Variants in ZNF629 observed in about 807,000 individuals in gnomAD.
ZNF629 encodes the protein zinc finger protein 629, also known as DNA-binding protein.
ZNF629 carries 9 observed loss-of-function variants against 59.7 expected under a neutral mutation model. That is an observed-to-expected ratio of 0.15 (90% CI 0.09 to 0.26). The LOEUF (loss-of-function observed/expected upper bound fraction) is 0.26, where lower values mean the gene tolerates loss of function less well. Ranked by LOEUF, ZNF629 falls within the 10% of genes least tolerant of loss-of-function variation. The probability of loss-of-function intolerance (pLI) is 1.00; values close to 1 mark genes in which losing one functional copy is unlikely to be tolerated. For missense variants in ZNF629, 853 were observed against 1,165.4 expected, an observed-to-expected ratio of 0.73 and a Z score of 3.90; for synonymous variants, 509 against 498.9, an observed-to-expected ratio of 1.02 and a Z score of -0.27.
chr16:30,782,379 A>G lies in ZNF629; in HGVS notation c.1949T>C (p.Phe650Ser). 1 of 1,580,290 alleles carries G rather than the reference A, an allele frequency of 6.3e-7. No individual in the cohort carries two copies. Among genetic ancestry groups the G allele is most frequent in the Non-Finnish European group, 8.6e-7 (1 of 1,163,068 alleles). ...GGACAGCAGCCCCCGCCTCTGGCTG[A>G]AGCCCTCCTGACCCTCCGGCGGCTT... ...PLKPPEGQEG[F>S]SQRRGLLSSK... Residue 650 changes from phenylalanine to serine, a missense_variant, in exon 3 of 3, where the codon TTC becomes TCC. Physicochemically the swap from Phe to Ser is radical, Grantham distance 155. Transcript: ENST00000262525.
chr16:30,784,597 C>G (rs2054316341), intron 1 of ZNF629, 82 bp from the exon 2 acceptor site: 1 of 1,082,514 alleles, frequency 9.2e-7, no homozygotes, highest in East Asian at 2.6e-5. Flanking sequence ...CACTCCCACC[C>G]TGCCCCGCCC....
chr16:30,783,488 G>A lies in ZNF629; in HGVS notation c.840C>T (p.His280=). The A allele has an allele frequency of 6.2e-7, 1 of 1,614,134 alleles. No homozygotes were observed. Among genetic ancestry groups the A allele is most frequent in the Non-Finnish European group, 8.5e-7 (1 of 1,179,992 alleles). ...AFYRSSDLIQ[H]QATHTGEKPY... is the part of the protein sequence containing the mutation. ...GTTTCTCGCCTGTGTGGGTGGCCTG[G>A]TGCTGGATGAGGTCCGAGCTGCGGT... The change falls in exon 3 of 3, where the codon CAC becomes CAT. Residue 280 remains histidine, a synonymous_variant. Coordinates refer to ENST00000262525, the MANE Select transcript of ZNF629 (RefSeq NM_001080417.3).
At chr16:30,785,392 C>A (rs918977662) in intron 1 of ZNF629, among the ~76,000 whole-genome samples, 13 of 152,146 alleles carry the variant, frequency 8.5e-5, no homozygotes, top group African/African-American at 2.9e-4. Context: ...CTGGCTCACC[C>A]CTGTCTCTGA....
rs768921277 is a variant in ZNF629 at position 30,781,872 on chromosome 16, G to A, written c.2456C>T (p.Pro819Leu). ...ATGGCTGCTGCTCTCTGTGGGGGTA[G>A]GGGTCTCGCCCTCACCTTCCTGATC... ...STDQEGEGET[P>L]TPTESSSHGE... Residue 819 changes from proline (P) to leucine (L), a missense_variant, in exon 3 of 3, where the codon CCT becomes CTT. This residue lies in a region of ZNF629 where 420 missense variants were observed against 435.6 expected (regional missense o/e 0.96). Coordinates refer to ENST00000262525, the MANE Select transcript of ZNF629 (RefSeq NM_001080417.3). 4 of 1,573,842 alleles carry A rather than the reference G, an allele frequency of 2.5e-6. No individual in the cohort carries two copies. In the South Asian group the frequency reaches 3.5e-5, roughly 14 times the overall value.
rs2054269440 is a variant in ZNF629 at position 30,780,332 on chromosome 16, C to T, written c.*1386G>A. On this transcript the variant is annotated 3_prime_UTR_variant, in exon 3 of 3. Transcript: ENST00000262525. Reference sequence around the variant, plus strand: ...GGATCCCCACCAGGGAGGAGGGCTGCCTTATCCTGCGGGGCAGCCTTGCTA... The same window carrying T: ...GGATCCCCACCAGGGAGGAGGGCTGTCTTATCCTGCGGGGCAGCCTTGCTA... 1.3e-5 allele frequency: 2 copies of T among 152,490 alleles called. No individual in the cohort carries two copies. The highest frequency in any genetic ancestry group is 2.4e-5 in the African/African-American group (1 of 41,438). The allele number at this position is 152,490 out of a possible 1,614,324, so 9.4% of individuals were successfully genotyped here.
Position 30,779,210 on chromosome 16 carries a change from A to T in ZNF629, c.*2508T>A, listed in dbSNP as rs977629309. On this transcript the variant is annotated 3_prime_UTR_variant, in exon 3 of 3. Transcript: ENST00000262525. ...GTGAGCATCCTACTAAATATGCTAC[A>T]CCCTAGTCCGAAACAGGCCTGCGCC... The T allele has an allele frequency of 6.6e-6, 1 of 152,000 alleles. No homozygotes were observed. Among genetic ancestry groups the T allele is most frequent in the East Asian group, 1.9e-4 (1 of 5,194 alleles). 9.4% of individuals were successfully genotyped at this position (152,000 alleles called of 1,614,324 possible). A position where few individuals can be genotyped will look rare whatever the true frequency, so the allele number is the denominator to read the frequency against.
In ZNF629 at chr16:30,782,584, C is replaced by G. The variant is rs1259467730; in HGVS notation, c.1744G>C (p.Gly582Arg). The change falls in exon 3 of 3, where the codon GGC (glycine) becomes CGC (arginine). Residue 582 changes from glycine to arginine, a missense_variant. Coordinates refer to ENST00000262525, the MANE Select transcript of ZNF629 (RefSeq NM_001080417.3). ...LVCGKGFNDE[G>R]IFMQHQRIHI... ...ATCCTCTGATGTTGCATGAAGATGC[C>G]CTCGTCGTTGAAGCCCTTTCCGCAC... The G allele has an allele frequency of 1.3e-6, 2 of 1,560,960 alleles. No individual in the cohort carries two copies. The highest frequency in any genetic ancestry group is 1.7e-6 in the Non-Finnish European group (2 of 1,152,002).
rs777020584 is a variant in ZNF629 at position 30,784,022 on chromosome 16, G to T, written c.306C>A (p.Thr102=). 1 of 1,576,700 alleles carries T rather than the reference G, an allele frequency of 6.3e-7. No individual in the cohort carries two copies. Among genetic ancestry groups the T allele is most frequent in the Non-Finnish European group, 8.6e-7 (1 of 1,162,480 alleles). ...CGCAGGCCTTGGTCCAGTCAGATGGGGTAGGGACTACCTCCGGGGCTGGGG... is the reference window on the plus strand; with the variant it reads ...CGCAGGCCTTGGTCCAGTCAGATGGTGTAGGGACTACCTCCGGGGCTGGGG... ...LDPPAPEVVP[T]PSDWTKACEA... Residue 102 remains threonine (T), a synonymous_variant, in exon 3 of 3, where the codon ACC becomes ACA. Transcript: ENST00000262525.
At position 30,783,372 on chromosome 16, in the gene ZNF629, C is replaced by A; in HGVS notation, c.956G>T (p.Arg319Leu). The A allele has an allele frequency of 1.9e-6, 3 of 1,604,758 alleles. No individual in the cohort carries two copies. The highest frequency in any genetic ancestry group is 8.5e-7 in the Non-Finnish European group (1 of 1,176,982). The change falls in exon 3 of 3, where the codon CGC (arginine) becomes CTC (leucine). Residue 319 changes from arginine (R) to leucine (L), a missense_variant. Transcript: ENST00000262525. ...QKIHAGEKPY[R>L]CTECGKSFIQ... Reference sequence around the variant, plus strand: ...GAAGCTCTTCCCGCACTCGGTGCAGCGGTATGGCTTCTCGCCCGCGTGGAT... The same window carrying A: ...GAAGCTCTTCCCGCACTCGGTGCAGAGGTATGGCTTCTCGCCCGCGTGGAT...
Position 30,784,130 on chromosome 16 carries a change from G to T in ZNF629, c.198C>A (p.Ser66=). ...TCTGGGGGACAGAGGGGTCCTGGGA[G>T]GATCTCTCCAGGGACATCTCTGTTG... The part of the protein sequence containing the change: ...KDSTEMSLER[S]SQDPSVPQNP... The change falls in exon 3 of 3, where the codon TCC becomes TCA. Residue 66 remains serine, a synonymous_variant. Coordinates refer to ENST00000262525, the MANE Select transcript of ZNF629 (RefSeq NM_001080417.3). 1 of 1,609,322 alleles carries T rather than the reference G, an allele frequency of 6.2e-7. No homozygotes were observed.
chr16:30,778,848 G>T lies in ZNF629; in HGVS notation c.*2870C>A, dbSNP rs1333330790. 6.6e-6 allele frequency: 1 copy of T among 152,644 alleles called. No homozygotes were observed. Among genetic ancestry groups the T allele is most frequent in the African/African-American group, 2.4e-5 (1 of 41,434 alleles). 9.5% of individuals were successfully genotyped at this position (152,644 alleles called of 1,614,324 possible). On this transcript the variant is annotated 3_prime_UTR_variant, in exon 3 of 3. Transcript: ENST00000262525. ...TTTCTGAGGGGCCTGGGGCCTGCAT[G>T]TGATTGGACAAGAGGGTTTGGCTGC... is the stretch of plus-strand genomic sequence containing the variant.
Position 30,778,638 on chromosome 16 carries a change from T to C in ZNF629, c.*3080A>G, listed in dbSNP as rs2054255449. 2 of 152,720 alleles carry C rather than the reference T, an allele frequency of 1.3e-5. No individual in the cohort carries two copies. The highest frequency in any genetic ancestry group is 2.1e-4 in the South Asian group (1 of 4,834). The allele number at this position is 152,720 out of a possible 1,614,324, so 9.5% of individuals were successfully genotyped here. On this transcript the variant is annotated 3_prime_UTR_variant, in exon 3 of 3. Transcript: ENST00000262525. ...GAGCTGCTGACCTCAGGGCAGGTCA[T>C]GGAACCCCACCTCTTGGCTGTGATG... is the stretch of plus-strand genomic sequence containing the variant.
At position 30,783,977 on chromosome 16, in the gene ZNF629, GC is replaced by G; in HGVS notation, c.350del (p.Gly117AlafsTer217). Reference sequence around the variant, plus strand: ...GGGGGCTGTTCCATGTGGTGAGAGCGCCCCACTGCCAGCTGGCCTCGCAGGC... The same window carrying G: ...GGGGGCTGTTCCATGTGGTGAGAGCGCCCACTGCCAGCTGGCCTCGCAGGC... Reference protein sequence around the residue: ...TKACEASWQWGALTTWNSPPV... With the variant: ...TKACEASWQWXALTTWNSPPV... On this transcript the variant is annotated frameshift_variant, in exon 3 of 3. Coordinates refer to ENST00000262525, the MANE Select transcript of ZNF629 (RefSeq NM_001080417.3). LOFTEE classifies it high-confidence loss of function. 6.3e-7 allele frequency: 1 copy of G among 1,576,910 alleles called. No homozygotes were observed. Among genetic ancestry groups the G allele is most frequent in the South Asian group, 1.2e-5 (1 of 86,404 alleles).
In ZNF629 at chr16:30,787,018, C is replaced by T. The variant is rs940133089; in HGVS notation, c.-34+10G>A. The T allele has an allele frequency of 2.0e-5, 3 of 152,562 alleles. No homozygotes were observed. The highest frequency in any genetic ancestry group is 7.2e-5 in the African/African-American group (3 of 41,442). 9.5% of individuals were successfully genotyped at this position (152,562 alleles called of 1,614,324 possible). A position where few individuals can be genotyped will look rare whatever the true frequency, so the allele number is the denominator to read the frequency against. On this transcript the variant is annotated intron_variant, in intron 1 of 2. Coordinates refer to ENST00000262525, the MANE Select transcript of ZNF629 (RefSeq NM_001080417.3). ...GCCACCCCCCGGGAACCCAGGCGTC[C>T]CCAACTCACGGCTCTGGGGTCTGGG...
In ZNF629 at chr16:30,784,159, C is replaced by T. The variant is rs1271942947; in HGVS notation, c.169G>A (p.Asp57Asn). ...CTCTCCAGGGACATCTCTGTTGAGT[C>T]CTTGGATTCTGGACTCTGAGCCGGG... ...GDPAQSPESK[D>N]STEMSLERSS... Residue 57 changes from aspartate (D) to asparagine (N), a missense_variant, in exon 3 of 3, where the codon GAC becomes AAC. Asp to Asn is a conservative substitution (Grantham distance 23). This residue lies in a region of ZNF629 where 232 missense variants were observed against 193.4 expected (regional missense o/e 1.20). Transcript: ENST00000262525. The T allele has an allele frequency of 2.5e-6, 4 of 1,609,876 alleles. No homozygotes were observed. In the East Asian group the frequency reaches 6.7e-5, roughly 27 times the overall value.
At chr16:30,785,579 C>G (rs1273950769) in intron 1 of ZNF629, among the ~76,000 whole-genome samples, 1 of 152,074 alleles carries the variant, frequency 6.6e-6, no homozygotes, top group Non-Finnish European at 1.5e-5. Context: ...AGGGACTAGG[C>G]CTGCTGGTCT....
Position 30,783,618 on chromosome 16 carries a change from G to A in ZNF629, c.710C>T (p.Thr237Met). 6.2e-7 allele frequency: 1 copy of A among 1,612,136 alleles called. No homozygotes were observed. Among genetic ancestry groups the A allele is most frequent in the Non-Finnish European group, 8.5e-7 (1 of 1,179,454 alleles). ...CTGGGTGAAGGCTTTCTCGCACTCC[G>A]TGCACTTGTAGGGCTTCTCTCCCGT... ...THTGEKPYKCTECEKAFTQST... is the reference protein window; with the variant it reads ...THTGEKPYKCMECEKAFTQST... Residue 237 changes from threonine (T) to methionine (M), a missense_variant, in exon 3 of 3, where the codon ACG becomes ATG. This residue lies in a region of ZNF629 where 201 missense variants were observed against 536.5 expected (regional missense o/e 0.37). Transcript: ENST00000262525.
At chr16:30,785,904 C>T (rs2054328006) in intron 1 of ZNF629, among the ~76,000 whole-genome samples, 1 of 65,464 alleles carries the variant, frequency 1.5e-5, no homozygotes, top group Non-Finnish European at 3.7e-5. Context: ...AAACAGCCAG[C>T]TGTCACTCCA....
chr16:30,784,520 G>A lies in ZNF629; in HGVS notation c.-33-5C>T, dbSNP rs1019161390. On this transcript the variant is annotated splice_region_variant and splice_polypyrimidine_tract_variant and intron_variant, in intron 1 of 2. Transcript: ENST00000262525. ...GACTGCAGTGTTCCAGGGACCCTGC[G>A]GGGGAAGACAGCGATGAGCGCACAC... is the stretch of plus-strand genomic sequence containing the variant. The A allele has an allele frequency of 2.7e-6, 4 of 1,504,700 alleles. No homozygotes were observed. The highest frequency in any genetic ancestry group is 4.9e-5 in the East Asian group (2 of 40,500). 93.2% of individuals were successfully genotyped at this position (1,504,700 alleles called of 1,614,324 possible). A position where few individuals can be genotyped will look rare whatever the true frequency, so the allele number is the denominator to read the frequency against.
Sources: gnomAD v4.1 joint callset for allele counts (sites outside exome capture counted in the v4.1 genomes callset) on GRCh38, gnomAD v4.1.1 for gene constraint, gnomAD v4.1.1 regional missense constraint, MANE v1.5 for transcripts, NCBI Gene and HGNC (gene_info 2026-07-23, HGNC 2026-07-21) for gene names.